The following MYO16 variants were observed in gnomAD, a reference collection of about 807,000 sequenced individuals.
The protein encoded by MYO16 is myosin XVI.
In MYO16, 94 loss-of-function variants were observed where a neutral mutation model predicts 205.3. That is an observed-to-expected ratio of 0.46 (90% CI 0.39 to 0.54). MYO16 has a LOEUF of 0.54. Ranked by LOEUF, MYO16 falls within the 20% of genes least tolerant of loss-of-function variation. The pLI is 0.00. For synonymous variants in MYO16, 988 were observed against 954.0 expected (o/e 1.04, Z -0.66); for missense variants, 2,315 against 2,387.5 (o/e 0.97, Z 0.63).
the MYO16 span, among the ~76,000 whole-genome samples, chr13:108,550,597 T>G: frequency 6.6e-6 from 1 of 152,376 alleles, no homozygotes; most frequent in South Asian, 2.1e-4. Flanking sequence ...ATGGAATGAT[T>G]TGTAGCACTT....
rs75493135 is a variant in MYO16, at chr13:108,747,868, G to A, written c.507+20285G>A. 5.6e-3 allele frequency among the ~76,000 whole-genome samples: 851 copies of A among 152,150 alleles called. 7 individuals carry two copies. Among genetic ancestry groups the A allele is most frequent in the African/African-American group, 0.02 (820 of 41,528 alleles). On this transcript the variant is annotated intron_variant, in intron 4 of 34. Transcript: ENST00000457511. ...ATGCCAATATTAATCAAAAGACAGA[G>A]TAGCTATATTAATTTTAGGAGAAAT...
chr13:108,964,035 C>A (rs373000502), intron 19 of MYO16, among the ~76,000 whole-genome samples: 2 of 152,198 alleles, frequency 1.3e-5, no homozygotes, highest in African/African-American at 4.8e-5. Context: ...CACCTCAACC[C>A]GCATTGCACG....
intron 27 of MYO16, chr13:109,065,619 C>A: frequency 2.2e-6 from 1 of 463,758 alleles, no homozygotes; most frequent in South Asian, 1.6e-5. Context: ...TTTCCCAAAG[C>A]TGCCTTTATC....
chr13:108,790,626 G>A (rs567333381), intron 5 of MYO16, among the ~76,000 whole-genome samples: 5 of 152,194 alleles, frequency 3.3e-5, no homozygotes, highest in East Asian at 3.9e-4. Context: ...GTTTGACAAC[G>A]AAGAGAGGGA....
At chr13:108,546,797 G>C in the MYO16 span, among the ~76,000 whole-genome samples, 1 of 152,168 alleles carries the variant, frequency 6.6e-6, no homozygotes, top group Non-Finnish European at 1.5e-5. Context: ...TTGTTTGTCA[G>C]TGTAGTCAAA....
chr13:108,952,310 C>T (rs1158300610), intron 16 of MYO16, among the ~76,000 whole-genome samples: 1 of 152,146 alleles, frequency 6.6e-6, no homozygotes, highest in Non-Finnish European at 1.5e-5. Flanking sequence ...GAAAGACCTT[C>T]AGTGCGTCCC....
At chr13:108,509,469 T>C in the MYO16 span, among the ~76,000 whole-genome samples, 2 of 152,242 alleles carry the variant, frequency 1.3e-5, no homozygotes, top group Non-Finnish European at 2.9e-5. Flanking sequence ...TCGGATTGTG[T>C]ATACATGTAT....
rs187309722 is a variant in MYO16 at position 109,141,700 on chromosome 13, A to T, written c.5164+324A>T. ...ATGTTAGCTACTAATTTCTTTTTTTAAAAAAATATTTTTTCCTTATAACGT... is the reference window on the plus strand; with the variant it reads ...ATGTTAGCTACTAATTTCTTTTTTTTAAAAAATATTTTTTCCTTATAACGT... On this transcript the variant is annotated intron_variant, in intron 32 of 34. Transcript: ENST00000457511. This position sits in a 1 kb window ranked among gnomAD's most constrained non-coding sequence, Gnocchi z 4.1. Among the ~76,000 whole-genome samples, 336 of 152,236 alleles carry T rather than the reference A, an allele frequency of 2.2e-3. No individual in the cohort carries two copies. Among genetic ancestry groups the T allele is most frequent in the African/African-American group, 4.3e-3 (178 of 41,532 alleles).
At chr13:109,087,134 A>G (rs1566499405) in intron 27 of MYO16, among the ~76,000 whole-genome samples, 1 of 152,232 alleles carries the variant, frequency 6.6e-6, no homozygotes, top group African/African-American at 2.4e-5. Context: ...AGGTGTGCAG[A>G]GGAAAGTGCC....
intron 12 of MYO16, among the ~76,000 whole-genome samples, chr13:108,881,059 T>C (rs1879590512): frequency 6.6e-6 from 1 of 152,102 alleles, no homozygotes; most frequent in Non-Finnish European, 1.5e-5. Flanking sequence ...GACTGACACG[T>C]CATACAGCCA....
chr13:108,575,333 C>T, the MYO16 span, among the ~76,000 whole-genome samples: 13 of 152,232 alleles, frequency 8.5e-5, no homozygotes, highest in Admixed American at 2.0e-4. Context: ...GGTCCTAGGA[C>T]GACATCATAC....
intron 33 of MYO16, among the ~76,000 whole-genome samples, chr13:109,169,942 GCAAA>G (rs1336679752): frequency 6.6e-6 from 1 of 152,184 alleles, no homozygotes; most frequent in Middle Eastern, 3.2e-3. Context: ...TCCATGTGGA[GCAAA>G]CAGTGAAACT....
In MYO16 at chr13:109,171,055, G is replaced by A. The variant is rs143410162; in HGVS notation, c.5323+5996G>A. On this transcript the variant is annotated intron_variant, in intron 33 of 34. Transcript: ENST00000457511. ...TTTATGCTGATCTACTCTTGTGAGC[G>A]CCATGAATTTCTGGGGGCCTGGAAC... 7.1e-3 allele frequency among the ~76,000 whole-genome samples: 1,079 copies of A among 152,248 alleles called. 12 individuals carry two copies. Among genetic ancestry groups the A allele is most frequent in the African/African-American group, 0.025 (1,021 of 41,548 alleles).
intron 32 of MYO16, among the ~76,000 whole-genome samples, chr13:109,145,229 A>G (rs1877274419): frequency 6.6e-6 from 1 of 152,208 alleles, no homozygotes; most frequent in African/African-American, 2.4e-5. Flanking sequence ...AAACTGGGGC[A>G]CAGGGAGATT....
intron 4 of MYO16, among the ~76,000 whole-genome samples, chr13:108,748,849 T>C (rs1461508715): frequency 6.6e-6 from 1 of 152,166 alleles, no homozygotes; most frequent in Non-Finnish European, 1.5e-5. Context: ...GACTTAAGCA[T>C]AAAATGTAAC....
At chr13:108,735,827 T>TCACCACA (rs750070876) in intron 4 of MYO16, among the ~76,000 whole-genome samples, 262 of 151,980 alleles carry the variant, frequency 1.7e-3, no homozygotes, top group Non-Finnish European at 3.0e-3. Flanking sequence ...TTTTTAATGA[T>TCACCACA]CACCATTCTA....
intron 19 of MYO16, among the ~76,000 whole-genome samples, chr13:108,964,223 A>C (rs749613156): frequency 7.9e-5 from 12 of 152,098 alleles, no homozygotes; most frequent in Non-Finnish European, 1.3e-4. Flanking sequence ...GCCCACCTCT[A>C]TTCTAGTCCC....
chr13:108,575,300 A>G, the MYO16 span, among the ~76,000 whole-genome samples: 1 of 152,142 alleles, frequency 6.6e-6, no homozygotes, highest in Non-Finnish European at 1.5e-5. Flanking sequence ...CCCGCCAGCT[A>G]TGTTTCCTTC....
chr13:108,873,119 A>C (rs1879144835), intron 12 of MYO16, among the ~76,000 whole-genome samples: 1 of 152,038 alleles, frequency 6.6e-6, no homozygotes, highest in African/African-American at 2.4e-5. Flanking sequence ...ACAAAAATTT[A>C]TTTCTTTTTG....
Sources: gnomAD v4.1 joint callset for allele counts (sites outside exome capture counted in the v4.1 genomes callset) on GRCh38, gnomAD v4.1.1 for gene constraint, Gnocchi (gnomAD v3.1) non-coding constraint, MANE v1.5 for transcripts, NCBI Gene and HGNC (gene_info 2026-07-23, HGNC 2026-07-21) for gene names.